The following PCDHGB6 variants were observed in gnomAD, a reference collection of about 807,000 sequenced individuals.
PCDHGB6 encodes protocadherin gamma-B6.
In PCDHGB6, 51 loss-of-function variants were observed where a neutral mutation model predicts 59.1. That is an observed-to-expected ratio of 0.86 (90% CI 0.69 to 1.09). The LOEUF (loss-of-function observed/expected upper bound fraction) is 1.09. Ranked by LOEUF, PCDHGB6 falls within the 50% of genes least tolerant of loss-of-function variation. PCDHGB6 has a pLI of 0.00. For synonymous variants in PCDHGB6, 466 were observed against 495.1 expected (o/e 0.94, Z 0.78); for missense variants, 1,148 against 1,205.1 (o/e 0.95, Z 0.70).
rs768847018 is a variant in PCDHGB6 at position 141,431,426 on chromosome 5, A to C, written c.2418+20806A>C. On this transcript the variant is annotated intron_variant, in intron 1 of 3. Transcript: ENST00000520790. The surrounding 1 kb of genome is among the most constrained non-coding windows in gnomAD (Gnocchi z 4.8). ...CTCCGACGGGGGCGACCCGGTGCGCACAGGCACCGCGCGCATCCGCGTGAT... is the reference window on the plus strand; with the variant it reads ...CTCCGACGGGGGCGACCCGGTGCGCCCAGGCACCGCGCGCATCCGCGTGAT... 6.2e-7 allele frequency: 1 copy of C among 1,613,666 alleles called. No individual in the cohort carries two copies. The highest frequency in any genetic ancestry group is 1.1e-5 in the South Asian group (1 of 91,078).
intron 1 of PCDHGB6, among the ~76,000 whole-genome samples, chr5:141,452,575 T>A (rs1386847800): frequency 6.6e-6 from 1 of 152,192 alleles, no homozygotes; most frequent in Non-Finnish European, 1.5e-5. Flanking sequence ...CCTTCCCCCT[T>A]TCCATCTTTG....
chr5:141,486,361 C>T lies in PCDHGB6; in HGVS notation c.2419-8446C>T. 1.2e-6 allele frequency: 2 copies of T among 1,614,086 alleles called. No individual in the cohort carries two copies. The highest frequency in any genetic ancestry group is 1.7e-6 in the Non-Finnish European group (2 of 1,179,994). On this transcript the variant is annotated intron_variant, in intron 1 of 3. Coordinates refer to ENST00000520790, the MANE Select transcript of PCDHGB6 (RefSeq NM_018926.3). This position sits in a 1 kb window ranked among gnomAD's most constrained non-coding sequence, Gnocchi z 5.0. ...GCATTCCTGACCACTTGCCATTTGCCCTCAAGTCTGCCTTCAGGAACCAGT... is the reference window on the plus strand; with the variant it reads ...GCATTCCTGACCACTTGCCATTTGCTCTCAAGTCTGCCTTCAGGAACCAGT...
chr5:141,501,290 TACACACACACACACACACAC>T (rs55762287), intron 2 of PCDHGB6, among the ~76,000 whole-genome samples: 1 of 136,162 alleles, frequency 7.3e-6, no homozygotes, highest in Non-Finnish European at 1.6e-5. Flanking sequence ...TATTCCCTTA[TACACACACACACACACACAC>T]ACACACACAC....
Position 141,490,397 on chromosome 5 carries a change from G to A in PCDHGB6, c.2419-4410G>A. 6.2e-7 allele frequency: 1 copy of A among 1,614,170 alleles called. No individual in the cohort carries two copies. Among genetic ancestry groups the A allele is most frequent in the South Asian group, 1.1e-5 (1 of 91,080 alleles). On this transcript the variant is annotated intron_variant, in intron 1 of 3. Coordinates refer to ENST00000520790, the MANE Select transcript of PCDHGB6 (RefSeq NM_018926.3). This position sits in a 1 kb window ranked among gnomAD's most constrained non-coding sequence, Gnocchi z 5.4. ...GACTCAGGTAGAAATGGTGAAGTGA[G>A]CCTTGATATCTCTCCGGACCTGCCA...
At chr5:141,479,651 C>CAAA (rs931031810) in intron 1 of PCDHGB6, 2 of 152,124 alleles carry the variant, frequency 1.3e-5, no homozygotes, top group African/African-American at 2.4e-5. Flanking sequence ...ACAACAACAA[C>CAAA]AATCCCAGAA....
In PCDHGB6 at chr5:141,438,615, TATATATATATATATATATATACACAC is replaced by T. The variant is rs1337184558; in HGVS notation, c.2418+27997_2418+28022del. ...ACATATATATATATATATATATATATATATATATATATATATATATACACACACACACACACATATATGTATATATA... is the reference window on the plus strand; with the variant it reads ...ACATATATATATATATATATATATATACACACACACATATATGTATATATA... On this transcript the variant is annotated intron_variant, in intron 1 of 3. Coordinates refer to ENST00000520790, the MANE Select transcript of PCDHGB6 (RefSeq NM_018926.3). 3.6e-3 allele frequency among the ~76,000 whole-genome samples: 130 copies of T among 35,912 alleles called. 2 individuals are homozygous for T. Among genetic ancestry groups the T allele is most frequent in the African/African-American group, 0.022 (107 of 4,918 alleles). The allele number at this position is 35,912 out of a possible 152,430, so 23.6% of individuals were successfully genotyped here.
At chr5:141,417,179 A>C (rs1015183950) in intron 1 of PCDHGB6, 1 of 152,194 alleles carries the variant, frequency 6.6e-6, no homozygotes, top group African/African-American at 2.4e-5. Context: ...GAAATAAGGA[A>C]TTATTACTTT....
Position 141,487,243 on chromosome 5 carries a change from C to T in PCDHGB6, c.2419-7564C>T. 1 of 1,614,114 alleles carries T rather than the reference C, an allele frequency of 6.2e-7. No individual in the cohort carries two copies. The highest frequency in any genetic ancestry group is 8.5e-7 in the Non-Finnish European group (1 of 1,180,000). Reference sequence around the variant, plus strand: ...CAAGGGAAGGAGAATCTCGTCTAACCCTCTACTTGGCTGTGTCCCTAGTGG... The same window carrying T: ...CAAGGGAAGGAGAATCTCGTCTAACTCTCTACTTGGCTGTGTCCCTAGTGG... On this transcript the variant is annotated intron_variant, in intron 1 of 3. Coordinates refer to ENST00000520790, the MANE Select transcript of PCDHGB6 (RefSeq NM_018926.3). The surrounding 1 kb of genome is among the most constrained non-coding windows in gnomAD (Gnocchi z 5.0).
At chr5:141,421,189 C>G in intron 1 of PCDHGB6, 1 of 1,477,674 alleles carries the variant, frequency 6.8e-7, no homozygotes, top group Non-Finnish European at 9.0e-7. Flanking sequence ...CACAACCAAC[C>G]AGCTCGAGAA....
chr5:141,414,690 G>A (rs377704657), intron 1 of PCDHGB6: 53 of 1,613,888 alleles, frequency 3.3e-5, no homozygotes, highest in Middle Eastern at 1.6e-4. Flanking sequence ...GGGTACCTCT[G>A]TCCTCATACA....
At chr5:141,475,684 T>C (rs2099367059) in intron 1 of PCDHGB6, among the ~76,000 whole-genome samples, 1 of 152,228 alleles carries the variant, frequency 6.6e-6, no homozygotes, top group African/African-American at 2.4e-5. Context: ...TTGATTTGGA[T>C]TGGAGACTTG....
chr5:141,432,061 G>T lies in PCDHGB6; in HGVS notation c.2418+21441G>T. On this transcript the variant is annotated intron_variant, in intron 1 of 3. Coordinates refer to ENST00000520790, the MANE Select transcript of PCDHGB6 (RefSeq NM_018926.3). The surrounding 1 kb of genome is among the most constrained non-coding windows in gnomAD (Gnocchi z 6.0). ...ACCGGGGAACCCCGCCCCTATCCAC[G>T]GAAACTCATATCTCGCTGAACGTGG... 1.9e-6 allele frequency: 3 copies of T among 1,614,130 alleles called. No homozygotes were observed. The highest frequency in any genetic ancestry group is 2.5e-6 in the Non-Finnish European group (3 of 1,180,034).
intron 3 of PCDHGB6, among the ~76,000 whole-genome samples, chr5:141,509,440 C>T (rs1036780108): frequency 2.0e-5 from 3 of 152,158 alleles, no homozygotes; most frequent in Non-Finnish European, 4.4e-5. Flanking sequence ...CTTGTTTCCT[C>T]CTCTCCCACC....
rs1290682140 is a variant in PCDHGB6 at position 141,431,692 on chromosome 5, G to A, written c.2418+21072G>A. 1 of 1,614,132 alleles carries A rather than the reference G, an allele frequency of 6.2e-7. No homozygotes were observed. The highest frequency in any genetic ancestry group is 2.2e-5 in the East Asian group (1 of 44,888). On this transcript the variant is annotated intron_variant, in intron 1 of 3. Transcript: ENST00000520790. The surrounding 1 kb of genome is among the most constrained non-coding windows in gnomAD (Gnocchi z 4.8). The stretch of plus-strand genomic sequence containing the variant: ...CAATAGGGGAGTTGGACCACGAGGA[G>A]TCAGGATTCTACCAGATGGAAGTGC...
rs768135284 is a variant in PCDHGB6, at chr5:141,489,277, T to C, written c.2419-5530T>C. ...GACACTCCCACAGCTCGCTGGGAAA[T>C]GGCAAGTGCTGTGCATGTTGTCCTT... On this transcript the variant is annotated intron_variant, in intron 1 of 3. Transcript: ENST00000520790. This position sits in a 1 kb window ranked among gnomAD's most constrained non-coding sequence, Gnocchi z 4.5. 7.1e-6 allele frequency: 11 copies of C among 1,556,078 alleles called. No individual in the cohort carries two copies. Among genetic ancestry groups the C allele is most frequent in the South Asian group, 3.7e-5 (3 of 80,348 alleles).
In PCDHGB6 at chr5:141,409,828, C is replaced by T. The variant is rs2154542180; in HGVS notation, c.1626C>T (p.Leu542=). Reference sequence around the variant, plus strand: ...CCCGCGACCACGGCTCGCCCACGCTCAGCGCCAACGTGAGCCTGCGCGTGT... The same window carrying T: ...CCCGCGACCACGGCTCGCCCACGCTTAGCGCCAACGTGAGCCTGCGCGTGT... ...LQARDHGSPT[L]SANVSLRVLV... Residue 542 remains leucine, a synonymous_variant, in exon 1 of 4, where the codon CTC becomes CTT. Transcript: ENST00000520790. 1 of 1,611,128 alleles carries T rather than the reference C, an allele frequency of 6.2e-7. No homozygotes were observed. The highest frequency in any genetic ancestry group is 8.5e-7 in the Non-Finnish European group (1 of 1,178,994).
At chr5:141,479,842 G>A (rs1167563746) in intron 1 of PCDHGB6, among the ~76,000 whole-genome samples, 3 of 152,172 alleles carry the variant, frequency 2.0e-5, no homozygotes, top group African/African-American at 7.2e-5. Context: ...TCCATGCAAG[G>A]TGACTGCAAG....
intron 1 of PCDHGB6, among the ~76,000 whole-genome samples, chr5:141,459,160 T>C (rs1330588092): frequency 6.6e-6 from 1 of 152,228 alleles, no homozygotes; most frequent in African/African-American, 2.4e-5. Context: ...AGAACATTTC[T>C]ATAACCTTCA....
intron 3 of PCDHGB6, 73 bp from the exon 4 acceptor site, chr5:141,510,874 G>C: frequency 6.2e-7 from 1 of 1,610,126 alleles, no homozygotes; most frequent in Non-Finnish European, 8.5e-7. Context: ...TTCATTAACT[G>C]CTGGGGATAT....
Sources: gnomAD v4.1 joint callset for allele counts (sites outside exome capture counted in the v4.1 genomes callset) on GRCh38, gnomAD v4.1.1 for gene constraint, Gnocchi (gnomAD v3.1) non-coding constraint, MANE v1.5 for transcripts, NCBI Gene and HGNC (gene_info 2026-07-23, HGNC 2026-07-21) for gene names.